Variants in ITGAM observed in about 807,000 individuals in gnomAD.
ITGAM encodes integrin alpha-M.
A neutral mutation model predicts 137.5 loss-of-function variants in ITGAM; 79 were observed. The observed-to-expected ratio is 0.57, with a 90% CI of 0.48 to 0.69. ITGAM has a LOEUF of 0.69. Ranked by LOEUF, ITGAM falls within the 30% of genes least tolerant of loss-of-function variation. The pLI is 0.00. For missense variants in ITGAM, 1,343 were observed against 1,483.5 expected, an observed-to-expected ratio of 0.91 and a Z score of 1.56; for synonymous variants, 583 against 592.3, an observed-to-expected ratio of 0.98 and a Z score of 0.23.
chr16:31,272,043 C>T lies in ITGAM; in HGVS notation c.704+51C>T, dbSNP rs1320748067. 3.7e-6 allele frequency: 6 copies of T among 1,609,566 alleles called. No individual in the cohort carries two copies. The African/African-American group carries it at 8.0e-5, about 22-fold the overall frequency. On this transcript the variant is annotated intron_variant, in intron 7 of 29. Coordinates refer to ENST00000544665, the MANE Select transcript of ITGAM (RefSeq NM_000632.4). ...TGGAGGGAGGAGGAGACACTTTTAG[C>T]TGGGCTTTGATGGATGAAGGGAGCC...
chr16:31,315,109 G>C (rs903299771), intron 14 of ITGAM, among the ~76,000 whole-genome samples: 3 of 151,958 alleles, frequency 2.0e-5, no homozygotes, highest in South Asian at 4.1e-4. Context: ...CACCGAACCC[G>C]GCCCTCTTTG....
intron 7 of ITGAM, among the ~76,000 whole-genome samples, chr16:31,272,261 G>T (rs1285181334): frequency 6.6e-6 from 1 of 150,650 alleles, no homozygotes; most frequent in Non-Finnish European, 1.5e-5. Flanking sequence ...AGCCTGTGGT[G>T]AGATATCGCC....
intron 12 of ITGAM, among the ~76,000 whole-genome samples, chr16:31,278,951 T>TTGTTCAATTCCCACC (rs1255434590): frequency 6.6e-6 from 1 of 152,212 alleles, no homozygotes; most frequent in Non-Finnish European, 1.5e-5. Context: ...AGTGTTCTCA[T>TTGTTCAATTCCCACC]TGTTCAATTC....
intron 12 of ITGAM, among the ~76,000 whole-genome samples, chr16:31,285,160 G>A (rs946911336): frequency 2.6e-5 from 4 of 152,088 alleles, no homozygotes; most frequent in Admixed American, 1.3e-4. Flanking sequence ...TAAACAGAAC[G>A]GAACAGAACA....
chr16:31,286,060 C>G (rs1261571061), intron 12 of ITGAM, among the ~76,000 whole-genome samples: 1 of 152,004 alleles, frequency 6.6e-6, no homozygotes, highest in Non-Finnish European at 1.5e-5. Flanking sequence ...CTATGTATAC[C>G]CAGTGTTTAG....
chr16:31,278,893 C>T (rs1348718394), intron 12 of ITGAM, among the ~76,000 whole-genome samples: 1 of 152,186 alleles, frequency 6.6e-6, no homozygotes, highest in African/African-American at 2.4e-5. Context: ...CCCTCTCCCT[C>T]CACCCTACGA....
In ITGAM at chr16:31,310,189, C is replaced by T. The variant is rs546319200; in HGVS notation, c.1708-11052C>T. Among the ~76,000 whole-genome samples the T allele has an allele frequency of 5.0e-4, 76 of 151,908 alleles. 2 individuals carry two copies. The South Asian group carries it at 1.0e-2, about 20-fold the overall frequency. ...TTATGTGTTTTGGAGTTGCTCTTCT[C>T]GAGGAGTATCTTTGTGGCGTTCTCT... On this transcript the variant is annotated intron_variant, in intron 14 of 29. Coordinates refer to ENST00000544665, the MANE Select transcript of ITGAM (RefSeq NM_000632.4).
intron 3 of ITGAM, 52 bp from the exon 4 acceptor site, chr16:31,265,759 A>G: frequency 6.5e-7 from 1 of 1,530,854 alleles, no homozygotes; most frequent in Non-Finnish European, 9.0e-7. Context: ...GCTCTTCCAC[A>G]GCCTTCTCTG....
chr16:31,328,600 AG>A (rs1315854275), intron 23 of ITGAM, among the ~76,000 whole-genome samples: 2 of 125,952 alleles, frequency 1.6e-5, no homozygotes, highest in Non-Finnish European at 3.3e-5. Context: ...TGTGTGTGTG[AG>A]GATCTATGTG....
At chr16:31,277,138 G>T in intron 11 of ITGAM, 89 bp downstream of exon 11, 2 of 1,126,274 alleles carry the variant, frequency 1.8e-6, no homozygotes, top group Non-Finnish European at 2.5e-6. Flanking sequence ...TGAATGAATG[G>T]GATACATATG....
chr16:31,318,638 C>T (rs1320866145), intron 14 of ITGAM, among the ~76,000 whole-genome samples: 1 of 152,184 alleles, frequency 6.6e-6, no homozygotes, highest in Non-Finnish European at 1.5e-5. Context: ...GCCACTGCAC[C>T]TGGCCAAAGC....
At position 31,266,014 on chromosome 16, in the gene ITGAM, G is replaced by A. The variant is rs1449860015; in HGVS notation, c.310-16G>A. On this transcript the variant is annotated splice_polypyrimidine_tract_variant and intron_variant, in intron 4 of 29. Coordinates refer to ENST00000544665, the MANE Select transcript of ITGAM (RefSeq NM_000632.4). ...GGAAGCAGGGGCAGCCCCTTCCACT[G>A]GCTCCTGTCCCCTAGGCCTGTGGTC... 1 of 1,609,798 alleles carries A rather than the reference G, an allele frequency of 6.2e-7. No homozygotes were observed.
At chr16:31,305,917 T>C (rs113848495) in intron 14 of ITGAM, among the ~76,000 whole-genome samples, 1,883 of 152,212 alleles carry the variant, frequency 0.012, 36 homozygotes, top group African/African-American at 0.043. Flanking sequence ...TATTGTTCTG[T>C]AGTTTTCTTT....
intron 12 of ITGAM, among the ~76,000 whole-genome samples, chr16:31,294,672 A>G (rs1043609993): frequency 2.0e-5 from 3 of 152,096 alleles, no homozygotes; most frequent in Non-Finnish European, 4.4e-5. Context: ...GTGTTCATCA[A>G]GAATATTGGC....
At chr16:31,267,345 A>C (rs868161938) in intron 5 of ITGAM, among the ~76,000 whole-genome samples, 1 of 151,480 alleles carries the variant, frequency 6.6e-6, no homozygotes, top group Non-Finnish European at 1.5e-5. Flanking sequence ...TTCACCCTCC[A>C]CAGTTAATCC....
intron 12 of ITGAM, among the ~76,000 whole-genome samples, chr16:31,282,024 C>T (rs560086568): frequency 2.0e-5 from 3 of 152,128 alleles, no homozygotes; most frequent in African/African-American, 2.4e-5. Flanking sequence ...TGTAGTTGAG[C>T]GGTTTTGAGT....
intron 14 of ITGAM, among the ~76,000 whole-genome samples, chr16:31,299,238 G>A (rs1216348691): frequency 6.6e-6 from 1 of 152,120 alleles, no homozygotes; most frequent in Non-Finnish European, 1.5e-5. Context: ...CCATTGATTA[G>A]CAACTCCTCA....
intron 14 of ITGAM, among the ~76,000 whole-genome samples, chr16:31,303,579 A>G (rs1444403274): frequency 6.6e-5 from 10 of 152,148 alleles, no homozygotes; most frequent in Admixed American, 6.6e-4. Flanking sequence ...TGTACCAAAT[A>G]TATAGTCTTT....
chr16:31,294,715 T>G (rs1414118112), intron 12 of ITGAM, among the ~76,000 whole-genome samples: 1 of 152,078 alleles, frequency 6.6e-6, no homozygotes, highest in Non-Finnish European at 1.5e-5. Context: ...AGCTGACACT[T>G]TTTAGTTTGA....
Sources: gnomAD v4.1 joint callset for allele counts (sites outside exome capture counted in the v4.1 genomes callset) on GRCh38, gnomAD v4.1.1 for gene constraint, MANE v1.5 for transcripts, NCBI Gene and HGNC (gene_info 2026-07-23, HGNC 2026-07-21) for gene names.